The following EVI5 variants were observed in gnomAD, a reference collection of about 807,000 sequenced individuals.
EVI5 encodes ecotropic viral integration site 5 protein homolog.
A neutral mutation model predicts 112.0 loss-of-function variants in EVI5; 73 were observed. That is an observed-to-expected ratio of 0.65 (90% confidence interval 0.54 to 0.79). The LOEUF is 0.79. Among genes scored for constraint, EVI5 ranks in the 30% least tolerant of loss-of-function variants. The pLI is 0.00. For synonymous variants in EVI5, 305 were observed against 319.9 expected, an observed-to-expected ratio of 0.95 and a Z score of 0.50; for missense variants, 900 against 968.8, an observed-to-expected ratio of 0.93 and a Z score of 0.94.
intron 18 of EVI5, among the ~76,000 whole-genome samples, chr1:92,581,300 G>A (rs1419266559): frequency 6.6e-6 from 1 of 152,224 alleles, no homozygotes; most frequent in Non-Finnish European, 1.5e-5. Context: ...GTACTACCTA[G>A]TTGGGGGAAT....
chr1:92,706,025 T>C (rs552538424), intron 2 of EVI5, among the ~76,000 whole-genome samples: 1 of 152,250 alleles, frequency 6.6e-6, no homozygotes, highest in African/African-American at 2.4e-5. Context: ...GGTATGTCAT[T>C]TTCAATAATA....
Position 92,519,896 on chromosome 1 carries a change from T to TAAA in EVI5, c.2167-5929_2167-5927dup, listed in dbSNP as rs371959112. ...GGGCAACAGAGTAAGACTCTGTCTT[T>TAAA]AAAAAAAAAAAAAAAAAAAGAATAT... is the stretch of plus-strand genomic sequence containing the variant. On this transcript the variant is annotated intron_variant, in intron 19 of 19. Coordinates refer to ENST00000684568, the MANE Select transcript of EVI5 (RefSeq NM_001350197.2). 1.7e-4 allele frequency among the ~76,000 whole-genome samples: 20 copies of TAAA among 119,050 alleles called. No individual in the cohort carries two copies. The South Asian group carries it at 5.0e-3, about 29-fold the overall frequency. 78.1% of individuals were successfully genotyped at this position (119,050 alleles called of 152,430 possible).
intron 14 of EVI5, among the ~76,000 whole-genome samples, chr1:92,631,158 T>G (rs1181866906): frequency 6.6e-6 from 1 of 152,066 alleles, no homozygotes; most frequent in Non-Finnish European, 1.5e-5. Flanking sequence ...GACTTGGCAA[T>G]GCAGGCTCTT....
intron 19 of EVI5, among the ~76,000 whole-genome samples, chr1:92,562,437 G>C (rs897035375): frequency 1.3e-5 from 2 of 152,252 alleles, no homozygotes; most frequent in East Asian, 3.9e-4. Context: ...GGCTGAGGCA[G>C]AAGAATGGCA....
chr1:92,591,021 T>G (rs1442529113), intron 18 of EVI5, among the ~76,000 whole-genome samples: 1 of 152,162 alleles, frequency 6.6e-6, no homozygotes, highest in Non-Finnish European at 1.5e-5. Context: ...CTAAGCTGCA[T>G]AAGTAAAGGA....
Position 92,605,377 on chromosome 1 carries a change from C to T in EVI5, c.2000G>A (p.Arg667Lys), listed in dbSNP as rs142494678. Residue 667 changes from arginine to lysine, a missense_variant, in exon 18 of 20, where the codon AGG becomes AAG. Coordinates refer to ENST00000684568, the MANE Select transcript of EVI5 (RefSeq NM_001350197.2). ...AGCTATGCTATCTGCTTCCCGAAGCCTCACAGCCATCACTTCTTCCTTATT... is the reference window on the plus strand; with the variant it reads ...AGCTATGCTATCTGCTTCCCGAAGCTTCACAGCCATCACTTCTTCCTTATT... The part of the protein sequence containing the change: ...CKNKEEVMAV[R>K]LREADSIAAV... The T allele has an allele frequency of 2.8e-3, 4,462 of 1,612,932 alleles. 15 individuals carry two copies. The highest frequency in any genetic ancestry group is 2.9e-3 in the Non-Finnish European group (3,454 of 1,179,026).
At chr1:92,730,469 A>G (rs1428265014) in intron 2 of EVI5, among the ~76,000 whole-genome samples, 2 of 151,906 alleles carry the variant, frequency 1.3e-5, no homozygotes, top group South Asian at 2.1e-4. Context: ...TGAAGCCAGG[A>G]GTTTGAGATT....
chr1:92,582,625 T>C (rs1202000464), intron 18 of EVI5, among the ~76,000 whole-genome samples: 1 of 152,046 alleles, frequency 6.6e-6, no homozygotes, highest in Non-Finnish European at 1.5e-5. Context: ...CCATTTAAAA[T>C]GGGTCAGAGA....
At chr1:92,692,602 G>A (rs1008546390) in intron 9 of EVI5, among the ~76,000 whole-genome samples, 27 of 152,078 alleles carry the variant, frequency 1.8e-4, no homozygotes, top group African/African-American at 6.5e-4. Context: ...TGTTACCTAG[G>A]CTGATTGTGA....
At chr1:92,536,257 T>G (rs975731701) in intron 19 of EVI5, among the ~76,000 whole-genome samples, 4 of 152,214 alleles carry the variant, frequency 2.6e-5, no homozygotes, top group African/African-American at 7.2e-5. Flanking sequence ...CTGTGTGTAT[T>G]AAACAATGCT....
At chr1:92,602,593 G>C (rs1382574335) in intron 18 of EVI5, among the ~76,000 whole-genome samples, 2 of 152,086 alleles carry the variant, frequency 1.3e-5, no homozygotes, top group African/African-American at 4.8e-5. Context: ...GTTTTGTAGA[G>C]ACAGGGTCTT....
intron 2 of EVI5, among the ~76,000 whole-genome samples, chr1:92,724,983 T>C (rs1675342121): frequency 6.6e-6 from 1 of 152,126 alleles, no homozygotes; most frequent in African/African-American, 2.4e-5. Flanking sequence ...CAGTCTTGTG[T>C]GCTCCCTGAA....
Position 92,625,929 on chromosome 1 carries a change from A to G in EVI5, c.1533T>C (p.Asn511=), listed in dbSNP as rs1303139657. The change falls in exon 15 of 20, where the codon AAT becomes AAC. Residue 511 remains asparagine (N), a synonymous_variant. Transcript: ENST00000684568. ...TATTATTCTCATCAGGAAGGGAGTT[A>G]TTCCTCTAAAGAAGAAGAAAATTTA... ...QDKVLDIEKR[N]NSLPDENNIA... The G allele has an allele frequency of 6.3e-7, 1 of 1,595,098 alleles. No homozygotes were observed. Among genetic ancestry groups the G allele is most frequent in the East Asian group, 2.2e-5 (1 of 44,708 alleles).
chr1:92,633,501 C>CT (rs34290221), intron 14 of EVI5, among the ~76,000 whole-genome samples: 3 of 151,958 alleles, frequency 2.0e-5, no homozygotes, highest in Non-Finnish European at 2.9e-5. Flanking sequence ...CAACCCCTGC[C>CT]TTTTTTTGTT....
chr1:92,729,704 G>A (rs1429656308), intron 2 of EVI5, among the ~76,000 whole-genome samples: 1 of 152,062 alleles, frequency 6.6e-6, no homozygotes, highest in African/African-American at 2.4e-5. Context: ...CTAATACAAT[G>A]TAAACATTAT....
chr1:92,779,339 A>G (rs891449924), intron 1 of EVI5, among the ~76,000 whole-genome samples: 4 of 152,266 alleles, frequency 2.6e-5, no homozygotes, highest in East Asian at 1.9e-4. Flanking sequence ...CCTGGCCAAC[A>G]TGGTGAAAAC....
At chr1:92,645,586 T>C (rs896175649) in intron 13 of EVI5, among the ~76,000 whole-genome samples, 3 of 152,176 alleles carry the variant, frequency 2.0e-5, no homozygotes, top group South Asian at 2.1e-4. Context: ...GATTCACTGA[T>C]ATTTTGGGAC....
intron 18 of EVI5, among the ~76,000 whole-genome samples, chr1:92,566,193 T>C (rs1377387989): frequency 2.0e-5 from 3 of 152,178 alleles, no homozygotes; most frequent in African/African-American, 7.2e-5. Flanking sequence ...AACCTTTTAC[T>C]AGAATATGGC....
chr1:92,623,417 CA>C (rs1654996178), intron 16 of EVI5, among the ~76,000 whole-genome samples: 1 of 151,992 alleles, frequency 6.6e-6, no homozygotes, highest in Non-Finnish European at 1.5e-5. Context: ...CTTTAAAAGC[CA>C]AAAAACAACA....
Sources: allele counts gnomAD v4.1 joint callset (sites outside exome capture counted in the v4.1 genomes callset), GRCh38; gene constraint gnomAD v4.1.1; transcripts MANE v1.5; gene names NCBI Gene and HGNC (gene_info 2026-07-23, HGNC 2026-07-21).